Variants in PPP1R14C observed in about 807,000 individuals in gnomAD.
The protein encoded by PPP1R14C is protein phosphatase 1 regulatory subunit 14C.
Under a neutral mutation model 20.4 loss-of-function variants are expected in PPP1R14C, and 16 were observed. The ratio of observed to expected loss-of-function variants is 0.78; its 90% CI spans 0.53 to 1.19. PPP1R14C has a LOEUF of 1.19. Ranked by LOEUF, PPP1R14C falls within the 50% of genes most tolerant of loss-of-function variation. PPP1R14C has a pLI of 0.00. For missense variants in PPP1R14C, 211 were observed against 220.1 expected, an observed-to-expected ratio of 0.96 and a Z score of 0.26; for synonymous variants, 91 against 91.0, an observed-to-expected ratio of 1.00 and a Z score of 0.00.
intron 1 of PPP1R14C, among the ~76,000 whole-genome samples, chr6:150,199,273 T>C (rs1777847565): frequency 6.6e-6 from 1 of 152,206 alleles, no homozygotes; most frequent in African/African-American, 2.4e-5. Context: ...GAGGCACGGC[T>C]ATCATTCGAA....
chr6:150,239,212 A>C (rs559712357), intron 3 of PPP1R14C, among the ~76,000 whole-genome samples: 28 of 152,374 alleles, frequency 1.8e-4, no homozygotes, highest in African/African-American at 5.5e-4. Flanking sequence ...TGTCCAATAT[A>C]CGTACAAGTT....
chr6:150,191,053 T>C (rs557148419), intron 1 of PPP1R14C, among the ~76,000 whole-genome samples: 6 of 152,272 alleles, frequency 3.9e-5, no homozygotes, highest in Non-Finnish European at 7.4e-5. Flanking sequence ...CTCTCTCTGC[T>C]CCCGACATTG....
intron 3 of PPP1R14C, among the ~76,000 whole-genome samples, chr6:150,226,224 G>A (rs1282662732): frequency 6.6e-6 from 1 of 152,198 alleles, no homozygotes; most frequent in Non-Finnish European, 1.5e-5. Flanking sequence ...ATGAGTGAGT[G>A]ATTAGTAAGA....
intron 3 of PPP1R14C, among the ~76,000 whole-genome samples, chr6:150,238,354 G>A (rs762923624): frequency 7.9e-5 from 12 of 152,226 alleles, no homozygotes; most frequent in South Asian, 2.1e-4. Flanking sequence ...AAATTTCCCC[G>A]GAAGGAGTGA....
chr6:150,180,020 G>A (rs1777604384), intron 1 of PPP1R14C, among the ~76,000 whole-genome samples: 1 of 152,146 alleles, frequency 6.6e-6, no homozygotes, highest in Non-Finnish European at 1.5e-5. Context: ...TGGCCAACAT[G>A]ACAAGACCCT....
chr6:150,228,695 A>G (rs985903862), intron 3 of PPP1R14C, among the ~76,000 whole-genome samples: 1 of 152,166 alleles, frequency 6.6e-6, no homozygotes, highest in Non-Finnish European at 1.5e-5. Flanking sequence ...CCCCAAGTAT[A>G]CGAAGATGCT....
chr6:150,210,872 C>T (rs1367098489), intron 1 of PPP1R14C, among the ~76,000 whole-genome samples: 1 of 152,154 alleles, frequency 6.6e-6, no homozygotes, highest in East Asian at 1.9e-4. Flanking sequence ...CAGCCTGCTC[C>T]ATTTCTGTCA....
At chr6:150,162,437 A>C (rs1377511981) in intron 1 of PPP1R14C, among the ~76,000 whole-genome samples, 1 of 152,214 alleles carries the variant, frequency 6.6e-6, no homozygotes, top group Non-Finnish European at 1.5e-5. Flanking sequence ...TATAATTGAA[A>C]TCATACAGTA....
intron 1 of PPP1R14C, among the ~76,000 whole-genome samples, chr6:150,146,362 A>G (rs901165447): frequency 1.3e-5 from 2 of 152,210 alleles, no homozygotes; most frequent in Non-Finnish European, 2.9e-5. Flanking sequence ...GGTCTACAAG[A>G]CATCTGTCTA....
chr6:150,154,374 C>G (rs567931277), intron 1 of PPP1R14C, among the ~76,000 whole-genome samples: 1 of 152,162 alleles, frequency 6.6e-6, no homozygotes, highest in Non-Finnish European at 1.5e-5. Context: ...GGGAATGGCC[C>G]TTGCCTGTGA....
At chr6:150,208,805 A>G (rs1777985119) in intron 1 of PPP1R14C, among the ~76,000 whole-genome samples, 1 of 152,138 alleles carries the variant, frequency 6.6e-6, no homozygotes, top group African/African-American at 2.4e-5. Context: ...GCTTGATGCC[A>G]ATGTGTAAAC....
intron 1 of PPP1R14C, among the ~76,000 whole-genome samples, chr6:150,182,928 A>G (rs1777638134): frequency 6.6e-6 from 1 of 152,222 alleles, no homozygotes; most frequent in Non-Finnish European, 1.5e-5. Context: ...ACCATCCTGA[A>G]TACTGTAGGC....
intron 1 of PPP1R14C, among the ~76,000 whole-genome samples, chr6:150,150,831 A>G (rs894323678): frequency 6.6e-6 from 1 of 151,794 alleles, no homozygotes; most frequent in Non-Finnish European, 1.5e-5. Context: ...CAGCATATAC[A>G]CAAGTTGAAG....
intron 1 of PPP1R14C, among the ~76,000 whole-genome samples, chr6:150,157,131 T>C (rs1777314308): frequency 6.6e-6 from 1 of 152,236 alleles, no homozygotes; most frequent in East Asian, 1.9e-4. Flanking sequence ...ATTTACTTAG[T>C]TAACTACTGA....
At chr6:150,161,206 G>C (rs1300092632) in intron 1 of PPP1R14C, among the ~76,000 whole-genome samples, 1 of 152,066 alleles carries the variant, frequency 6.6e-6, no homozygotes, top group Non-Finnish European at 1.5e-5. Flanking sequence ...CTTGAACCCA[G>C]GAGGCAGAGG....
In PPP1R14C at chr6:150,249,401, C is replaced by T. The variant is rs1778534856; in HGVS notation, c.*581C>T. On this transcript the variant is annotated 3_prime_UTR_variant, in exon 4 of 4. Coordinates refer to ENST00000361131, the MANE Select transcript of PPP1R14C (RefSeq NM_030949.3). ...CTTCACTGAGTGCTGCTGACTTCAA[C>T]GTTCACTTTATGCACCAAAGTGAAA... 6 of 398,618 alleles carry T rather than the reference C, an allele frequency of 1.5e-5. No individual in the cohort carries two copies. Among genetic ancestry groups the T allele is most frequent in the South Asian group, 1.3e-4 (1 of 7,864 alleles). The allele number at this position is 398,618 out of a possible 1,614,324, so 24.7% of individuals were successfully genotyped here. A position where few individuals can be genotyped will look rare whatever the true frequency, so the allele number is the denominator to read the frequency against.
At chr6:150,187,738 T>G (rs553264952) in intron 1 of PPP1R14C, among the ~76,000 whole-genome samples, 17 of 152,236 alleles carry the variant, frequency 1.1e-4, no homozygotes, top group Non-Finnish European at 2.2e-4. Flanking sequence ...CTAATGTGAA[T>G]AGTGCTGCAG....
chr6:150,171,095 A>G (rs989239276), intron 1 of PPP1R14C, among the ~76,000 whole-genome samples: 8 of 152,068 alleles, frequency 5.3e-5, no homozygotes, highest in Non-Finnish European at 7.4e-5. Context: ...ACCTACGTTG[A>G]CACACCATTA....
intron 3 of PPP1R14C, among the ~76,000 whole-genome samples, chr6:150,235,296 C>T (rs1387428641): frequency 2.6e-5 from 4 of 152,172 alleles, no homozygotes; most frequent in African/African-American, 9.6e-5. Flanking sequence ...CGCTTTATTA[C>T]CTGGGCTGGT....
Sources: allele counts gnomAD v4.1 joint callset (sites outside exome capture counted in the v4.1 genomes callset), GRCh38; gene constraint gnomAD v4.1.1; transcripts MANE v1.5; gene names NCBI Gene and HGNC (gene_info 2026-07-23, HGNC 2026-07-21).